ASPRV1: variants seen among roughly 807,000 people sequenced by gnomAD.
ASPRV1 encodes the protein retroviral-like aspartic protease 1.
In ASPRV1, 7 loss-of-function variants were observed where a neutral mutation model predicts 11.0. The ratio of observed to expected loss-of-function variants is 0.64; its 90% CI spans 0.36 to 1.20. ASPRV1 has a LOEUF of 1.20. Among genes scored for constraint, ASPRV1 ranks in the 50% most tolerant of loss-of-function variants. The pLI, the probability that ASPRV1 is intolerant of heterozygous loss-of-function variation, is 0.02. For synonymous variants in ASPRV1, 136 were observed against 138.4 expected, an observed-to-expected ratio of 0.98 and a Z score of 0.12; for missense variants, 299 against 320.0, an observed-to-expected ratio of 0.93 and a Z score of 0.50.
the ASPRV1 span, among the ~76,000 whole-genome samples, chr2:70,042,568 G>A: frequency 6.6e-6 from 1 of 152,102 alleles, no homozygotes; most frequent in Non-Finnish European, 1.5e-5. Flanking sequence ...AGGGAAAGCA[G>A]AAACTGATAG....
At chr2:70,069,491 C>T in the ASPRV1 span, 51 of 152,320 alleles carry the variant, frequency 3.3e-4, no homozygotes, top group African/African-American at 1.2e-3. Flanking sequence ...TATCCAACTC[C>T]TGACTACTAA....
chr2:70,060,920 C>T, the ASPRV1 span, among the ~76,000 whole-genome samples: 9 of 152,202 alleles, frequency 5.9e-5, no homozygotes, highest in South Asian at 2.1e-4. Context: ...TCTCTACATA[C>T]TAGGCCCTGA....
the ASPRV1 span, among the ~76,000 whole-genome samples, chr2:70,080,112 C>T: frequency 6.6e-6 from 1 of 152,170 alleles, no homozygotes. Flanking sequence ...TAACTCAAAC[C>T]TCCTAACCAG....
the ASPRV1 span, chr2:70,030,287 G>A: frequency 1.3e-5 from 2 of 152,376 alleles, no homozygotes; most frequent in African/African-American, 4.8e-5. Context: ...TGGTGGGGTG[G>A]TGTGCTGAGC....
the ASPRV1 span, among the ~76,000 whole-genome samples, chr2:70,041,679 G>A: frequency 6.6e-6 from 1 of 152,198 alleles, no homozygotes; most frequent in Non-Finnish European, 1.5e-5. Flanking sequence ...AAGGAAGGGT[G>A]CTCAGGAGCA....
the ASPRV1 span, among the ~76,000 whole-genome samples, chr2:70,014,809 A>AG: frequency 6.6e-6 from 1 of 151,244 alleles, no homozygotes; most frequent in East Asian, 1.9e-4. Flanking sequence ...AAAAAAAAAA[A>AG]AAAAAAAAAG....
chr2:70,051,863 T>A, the ASPRV1 span, among the ~76,000 whole-genome samples: 1 of 152,018 alleles, frequency 6.6e-6, no homozygotes, highest in African/African-American at 2.4e-5. Context: ...TAGTCCCAAT[T>A]ACTTGAGAGG....
downstream of ASPRV1, among the ~76,000 whole-genome samples, chr2:69,958,323 C>T (rs1290206280): frequency 6.6e-6 from 1 of 152,074 alleles, no homozygotes; most frequent in East Asian, 1.9e-4. Context: ...TGTGCCCTCT[C>T]GGGGGGCCCA....
the ASPRV1 span, among the ~76,000 whole-genome samples, chr2:70,014,121 A>G: frequency 6.6e-6 from 1 of 152,218 alleles, no homozygotes; most frequent in Non-Finnish European, 1.5e-5. Flanking sequence ...TTTCTTGAAT[A>G]TAACACCCAA....
At chr2:69,937,804 A>G in the ASPRV1 span, among the ~76,000 whole-genome samples, 1 of 152,122 alleles carries the variant, frequency 6.6e-6, no homozygotes, top group Non-Finnish European at 1.5e-5. Flanking sequence ...TGTAGAGATG[A>G]GGTTTCACCA....
At chr2:70,063,755 T>C in the ASPRV1 span, 59 of 152,330 alleles carry the variant, frequency 3.9e-4, no homozygotes, top group African/African-American at 1.3e-3. Flanking sequence ...AATCCTTGTA[T>C]GTCAACTATC....
the ASPRV1 span, chr2:69,942,917 A>C: frequency 6.6e-6 from 1 of 152,252 alleles, no homozygotes; most frequent in African/African-American, 2.4e-5. Context: ...ACTGTTAACA[A>C]ATAATAAATT....
At chr2:69,969,500 G>A in the ASPRV1 span, among the ~76,000 whole-genome samples, 3 of 151,982 alleles carry the variant, frequency 2.0e-5, no homozygotes, top group East Asian at 1.9e-4. Context: ...CTGCCACTAC[G>A]ACCACTCCCC....
the ASPRV1 span, among the ~76,000 whole-genome samples, chr2:69,984,551 A>T: frequency 1.3e-5 from 2 of 149,112 alleles, no homozygotes; most frequent in South Asian, 4.4e-4. Context: ...GGACATAGAG[A>T]TAGAGACCAT....
At chr2:70,068,012 CATCT>C in the ASPRV1 span, among the ~76,000 whole-genome samples, 6 of 152,226 alleles carry the variant, frequency 3.9e-5, no homozygotes, top group African/African-American at 1.4e-4. Context: ...TCTGGCTTCT[CATCT>C]GTCTACCTCT....
chr2:70,068,566 G>A, the ASPRV1 span, among the ~76,000 whole-genome samples: 1 of 152,056 alleles, frequency 6.6e-6, no homozygotes, highest in Non-Finnish European at 1.5e-5. Flanking sequence ...AGCAGCAGCA[G>A]GAAGCTAGAG....
At chr2:69,951,303 A>C in the ASPRV1 span, among the ~76,000 whole-genome samples, 1 of 151,712 alleles carries the variant, frequency 6.6e-6, no homozygotes. Flanking sequence ...AGGTGCCTGT[A>C]GTCCCAGCTA....
At chr2:70,004,799 C>A in the ASPRV1 span, among the ~76,000 whole-genome samples, 1 of 152,094 alleles carries the variant, frequency 6.6e-6, no homozygotes, top group Admixed American at 6.6e-5. Flanking sequence ...ATCTTGGTTC[C>A]AGGCACTTGA....
chr2:70,032,285 G>C, the ASPRV1 span: 1 of 152,218 alleles, frequency 6.6e-6, no homozygotes, highest in Non-Finnish European at 1.5e-5. Context: ...GGTTTGTTCA[G>C]TGTGGCACTA....
Sources: gnomAD v4.1 joint callset for allele counts (sites outside exome capture counted in the v4.1 genomes callset) on GRCh38, gnomAD v4.1.1 for gene constraint, MANE v1.5 for transcripts, NCBI Gene and HGNC (gene_info 2026-07-23, HGNC 2026-07-21) for gene names.